NTRK3: variants seen among roughly 807,000 people sequenced by gnomAD.
NTRK3 encodes the protein NT-3 growth factor receptor.
NTRK3 carries 24 observed loss-of-function variants against 91.7 expected under a neutral mutation model. The ratio of observed to expected loss-of-function variants is 0.26; its 90% CI spans 0.19 to 0.37. The LOEUF is 0.37. Among genes scored for constraint, NTRK3 ranks in the 10% least tolerant of loss-of-function variants. The probability of loss-of-function intolerance (pLI) is 1.00; values close to 1 mark genes in which losing one functional copy is unlikely to be tolerated. For synonymous variants in NTRK3, 483 were observed against 404.0 expected, an observed-to-expected ratio of 1.20 and a Z score of -2.34; for missense variants, 880 against 1,068.9, an observed-to-expected ratio of 0.82 and a Z score of 2.46.
exon 2 of NTRK3, chr15:88,256,430 C>T (rs889791900): frequency 3.7e-6 from 2 of 543,528 alleles, no homozygotes; most frequent in African/African-American, 4.1e-5. Flanking sequence ...GCTCGGCGAT[C>T]GCTGACTCGC....
At chr15:88,112,831 AT>A (rs1410577783) in intron 13 of NTRK3, among the ~76,000 whole-genome samples, 1 of 152,058 alleles carries the variant, frequency 6.6e-6, no homozygotes, top group Non-Finnish European at 1.5e-5. Flanking sequence ...CAACCTGAGC[AT>A]TGTCCAATGC....
At chr15:87,907,048 C>T (rs1207130501) in intron 17 of NTRK3, among the ~76,000 whole-genome samples, 1 of 151,860 alleles carries the variant, frequency 6.6e-6, no homozygotes, top group East Asian at 1.9e-4. Flanking sequence ...TTATTAATAA[C>T]TTCCCTTTTC....
At chr15:87,959,552 C>T (rs936046098) in intron 14 of NTRK3, among the ~76,000 whole-genome samples, 1 of 152,164 alleles carries the variant, frequency 6.6e-6, no homozygotes. Flanking sequence ...GAGTTCATAT[C>T]GAGCTTAAGA....
In NTRK3 at chr15:88,235,224, C is replaced by T. The variant is rs113265062; in HGVS notation, c.248+20682G>A. 2.7e-3 allele frequency among the ~76,000 whole-genome samples: 405 copies of T among 152,296 alleles called. 1 individual carries two copies. Among genetic ancestry groups the T allele is most frequent in the African/African-American group, 9.4e-3 (389 of 41,564 alleles). On this transcript the variant is annotated intron_variant, in intron 3 of 18. Transcript: ENST00000394480. The surrounding 1 kb of genome is among the most constrained non-coding windows in gnomAD (Gnocchi z 5.2). ...ATCCACTGAATTGTAAGGTCCCAGG[C>T]CAGAAACGTTGTGTCTTGCACATCA... is the stretch of plus-strand genomic sequence containing the variant.
intron 14 of NTRK3, among the ~76,000 whole-genome samples, chr15:88,014,811 G>A (rs1230548402): frequency 6.6e-6 from 1 of 152,196 alleles, no homozygotes; most frequent in Non-Finnish European, 1.5e-5. Flanking sequence ...CACCAGCTCC[G>A]AGATTTTCTT....
exon 19 of NTRK3, chr15:87,867,681 A>G (rs150971938): frequency 1.3e-5 from 3 of 228,754 alleles, no homozygotes; most frequent in South Asian, 1.8e-4. Context: ...CCCCATGCTA[A>G]CCGTTTTGGT....
chr15:88,126,492 G>T, intron 12 of NTRK3, 119 bp from the exon 13 acceptor site: 1 of 660,218 alleles, frequency 1.5e-6, no homozygotes, highest in Non-Finnish European at 2.7e-6. Flanking sequence ...AGCCTTCTCA[G>T]AACTGCAATA....
intron 13 of NTRK3, among the ~76,000 whole-genome samples, chr15:88,042,763 A>G (rs1473908987): frequency 6.6e-6 from 1 of 152,120 alleles, no homozygotes; most frequent in African/African-American, 2.4e-5. Context: ...TCATCACCAC[A>G]ACCCTGGGGG....
chr15:88,188,503 A>G (rs989287667), intron 3 of NTRK3, among the ~76,000 whole-genome samples: 5 of 152,344 alleles, frequency 3.3e-5, no homozygotes, highest in Non-Finnish European at 7.3e-5. Context: ...TGTCCACAGC[A>G]CCAGGATTGA....
At chr15:88,012,096 C>A (rs749068053) in intron 14 of NTRK3, among the ~76,000 whole-genome samples, 1 of 152,186 alleles carries the variant, frequency 6.6e-6, no homozygotes, top group East Asian at 1.9e-4. Context: ...CTGTACCCTA[C>A]GGCCTTGTGC....
At chr15:87,994,182 G>A (rs1303123995) in intron 14 of NTRK3, among the ~76,000 whole-genome samples, 3 of 152,118 alleles carry the variant, frequency 2.0e-5, no homozygotes, top group Non-Finnish European at 4.4e-5. Context: ...TGGGGAGCGG[G>A]AGACATTCCA....
intron 11 of NTRK3, among the ~76,000 whole-genome samples, chr15:88,127,851 G>T (rs1050369035): frequency 6.6e-6 from 1 of 152,174 alleles, no homozygotes; most frequent in Admixed American, 6.5e-5. Flanking sequence ...GCAAGGCCAG[G>T]ATGGGAAGCT....
intron 18 of NTRK3, among the ~76,000 whole-genome samples, chr15:87,878,623 T>C (rs1662150882): frequency 1.3e-5 from 2 of 152,214 alleles, no homozygotes; most frequent in Admixed American, 1.3e-4. Flanking sequence ...TGTTGGACTA[T>C]CCAGGTTTGT....
intron 3 of NTRK3, among the ~76,000 whole-genome samples, chr15:88,244,663 C>A (rs1298699191): frequency 6.6e-6 from 1 of 152,160 alleles, no homozygotes; most frequent in African/African-American, 2.4e-5. Context: ...TGGTCTAGTG[C>A]CCTCTTGTGG....
chr15:88,037,438 T>C (rs1471259649), intron 13 of NTRK3, among the ~76,000 whole-genome samples: 2 of 152,102 alleles, frequency 1.3e-5, no homozygotes, highest in Non-Finnish European at 2.9e-5. Context: ...GGTGCATGCC[T>C]GTGATCCCAG....
chr15:88,085,909 G>C (rs1158958773), intron 13 of NTRK3, among the ~76,000 whole-genome samples: 1 of 152,224 alleles, frequency 6.6e-6, no homozygotes, highest in African/African-American at 2.4e-5. Context: ...GGAGCTAATA[G>C]GATATATGAG....
chr15:88,094,206 C>A (rs2049330035), intron 13 of NTRK3, among the ~76,000 whole-genome samples: 1 of 152,096 alleles, frequency 6.6e-6, no homozygotes, highest in South Asian at 2.1e-4. Flanking sequence ...GTGGCTCACG[C>A]CTGTAATCCC....
At chr15:87,933,706 A>G (rs2069007254) in intron 15 of NTRK3, among the ~76,000 whole-genome samples, 1 of 152,232 alleles carries the variant, frequency 6.6e-6, no homozygotes, top group Non-Finnish European at 1.5e-5. Context: ...TTGTGAAGGT[A>G]TCTACATTTG....
intron 13 of NTRK3, among the ~76,000 whole-genome samples, chr15:88,054,681 A>G (rs2045528883): frequency 6.6e-6 from 1 of 152,074 alleles, no homozygotes; most frequent in Admixed American, 6.5e-5. Context: ...TGAGGCCAAA[A>G]TACTCCTGGA....
Sources: gnomAD v4.1 joint callset for allele counts (sites outside exome capture counted in the v4.1 genomes callset) on GRCh38, gnomAD v4.1.1 for gene constraint, Gnocchi (gnomAD v3.1) non-coding constraint, MANE v1.5 for transcripts, NCBI Gene and HGNC (gene_info 2026-07-23, HGNC 2026-07-21) for gene names.